The following RPS2 variants were observed in gnomAD, a reference collection of about 807,000 sequenced individuals.
RPS2 encodes ribosomal protein S2.
A neutral mutation model predicts 25.3 loss-of-function variants in RPS2; 8 were observed. The observed-to-expected ratio is 0.32, with a 90% CI of 0.19 to 0.57. The LOEUF (loss-of-function observed/expected upper bound fraction) is 0.57. RPS2 is among the 20% of genes least tolerant of loss of function. The pLI, the probability that RPS2 is intolerant of heterozygous loss-of-function variation, is 0.90. For missense variants in RPS2, 229 were observed against 408.1 expected, an observed-to-expected ratio of 0.56 and a Z score of 3.78; for synonymous variants, 181 against 161.3, an observed-to-expected ratio of 1.12 and a Z score of -0.92.
Position 1,964,818 on chromosome 16 carries a change from G to C in RPS2, c.-15C>G, listed in dbSNP as rs761131248. 3.4e-5 allele frequency: 18 copies of C among 537,014 alleles called. No individual in the cohort carries two copies. Among genetic ancestry groups the C allele is most frequent in the Non-Finnish European group, 4.5e-5 (14 of 309,154 alleles). The allele number at this position is 537,014 out of a possible 1,614,324, so 33.3% of individuals were successfully genotyped here. On this transcript the variant is annotated 5_prime_UTR_variant, in exon 1 of 7. Transcript: ENST00000343262. ...CCAACAGGACTCACGTGTTTTGTCG[G>C]AAAAGAAGAACGAGACCTACTGGGA...
At chr16:1,962,684 G>T in intron 5 of RPS2, 28 bp from the exon 6 acceptor site, 1 of 1,585,832 alleles carries the variant, frequency 6.3e-7, no homozygotes, top group Non-Finnish European at 8.6e-7. Flanking sequence ...CAGGAGACGG[G>T]GGCCCGAGGG....
Position 1,964,436 on chromosome 16 carries a change from G to A in RPS2, c.177+13C>T. ...CGCCCAGGGGCCCGACCCCGAGCGT[G>A]GCTGATACCTACCTCCTTATCCTCG... On this transcript the variant is annotated intron_variant, in intron 2 of 6. Transcript: ENST00000343262. 4 of 1,610,076 alleles carry A rather than the reference G, an allele frequency of 2.5e-6. No individual in the cohort carries two copies. Among genetic ancestry groups the A allele is most frequent in the Non-Finnish European group, 3.4e-6 (4 of 1,179,804 alleles).
At position 1,962,548 on chromosome 16, in the gene RPS2, C is replaced by T. The variant is rs1398145021; in HGVS notation, c.658G>A (p.Asp220Asn). ...PKKLLMMAGIDDCYTSARGCT... is the reference protein window; with the variant it reads ...PKKLLMMAGINDCYTSARGCT... Reference sequence around the variant, plus strand: ...CCCCGGGCTGAGGTGTAGCAGTCATCGATACCAGCCATCATGAGCAGCTTC... The same window carrying T: ...CCCCGGGCTGAGGTGTAGCAGTCATTGATACCAGCCATCATGAGCAGCTTC... Residue 220 changes from aspartate to asparagine, a missense_variant, in exon 6 of 7, where the codon GAT (aspartate) becomes AAT (asparagine). Asp to Asn is a conservative substitution (Grantham distance 23). Around this residue, in one of 7 missense-constraint regions of RPS2, gnomAD observed 79 missense variants for 159.0 expected, o/e 0.50. Transcript: ENST00000343262. 7 of 1,611,596 alleles carry T rather than the reference C, an allele frequency of 4.3e-6. No individual in the cohort carries two copies. Among genetic ancestry groups the T allele is most frequent in the South Asian group, 2.2e-5 (2 of 90,996 alleles).
intron 3 of RPS2, chr16:1,963,643 A>AC (rs975117649): frequency 1.3e-4 from 44 of 338,016 alleles, no homozygotes; most frequent in Non-Finnish European, 2.3e-4. Flanking sequence ...GAAGTCATGA[A>AC]CCCCCTCACC....
At chr16:1,963,546 G>A (rs568929965) in intron 3 of RPS2, 2 of 364,006 alleles carry the variant, frequency 5.5e-6, no homozygotes, top group Non-Finnish European at 1.1e-5. Context: ...AACCTGGGAG[G>A]TGGAGGTTGC....
Position 1,962,669 on chromosome 16 carries a change from G to A in RPS2, c.550-13C>T. On this transcript the variant is annotated splice_polypyrimidine_tract_variant and intron_variant, in intron 5 of 6. Transcript: ENST00000343262. ...AGCGGCCTGTCACCTGGTGAGGGAA[G>A]GAGTCAGGAGACGGGGGCCCGAGGG... 1 of 1,591,222 alleles carries A rather than the reference G, an allele frequency of 6.3e-7. No individual in the cohort carries two copies.
At chr16:1,962,319 GT>G in intron 6 of RPS2, 49 bp from the exon 7 acceptor site, 1 of 1,560,708 alleles carries the variant, frequency 6.4e-7, no homozygotes, top group Non-Finnish European at 8.8e-7. Flanking sequence ...CTTGAGGCAA[GT>G]CCCCCAACCC....
In RPS2 at chr16:1,964,799, G is replaced by A. The variant is rs973295576; in HGVS notation, c.-4+8C>T. 30 of 543,908 alleles carry A rather than the reference G, an allele frequency of 5.5e-5. No individual in the cohort carries two copies. Among genetic ancestry groups the A allele is most frequent in the East Asian group, 2.6e-4 (8 of 30,770 alleles). The allele number at this position is 543,908 out of a possible 1,614,324, so 33.7% of individuals were successfully genotyped here. On this transcript the variant is annotated splice_region_variant and intron_variant, in intron 1 of 6. Transcript: ENST00000343262. ...CAGAGGCCCGCTGCAGCGACCAACA[G>A]GACTCACGTGTTTTGTCGGAAAAGA...
intron 2 of RPS2, 26 bp downstream of exon 2, chr16:1,964,423 C>A (rs403609): frequency 2.5e-6 from 4 of 1,612,084 alleles, no homozygotes; most frequent in South Asian, 1.1e-5. Context: ...CCCAGGGGCC[C>A]GACCCCGAGC....
Position 1,963,442 on chromosome 16 carries a change from C to G in RPS2, c.268-186G>C, listed in dbSNP as rs2005799. Among the ~76,000 whole-genome samples, 1,123 of 152,240 alleles carry G rather than the reference C, an allele frequency of 7.4e-3. 6 individuals are homozygous for G. Among genetic ancestry groups the G allele is most frequent in the African/African-American group, 0.026 (1,085 of 41,524 alleles). ...ACCAGCCTGGCCACATGGTGAAACCCCACCTCTATTAAAGACACAAAAAAT... is the reference window on the plus strand; with the variant it reads ...ACCAGCCTGGCCACATGGTGAAACCGCACCTCTATTAAAGACACAAAAAAT... On this transcript the variant is annotated intron_variant, in intron 3 of 6. Coordinates refer to ENST00000343262, the MANE Select transcript of RPS2 (RefSeq NM_002952.4).
chr16:1,963,224 G>A lies in RPS2; in HGVS notation c.300C>T (p.Ala100=), dbSNP rs1049905721. Residue 100 remains alanine, a synonymous_variant, in exon 4 of 7, where the codon GCC becomes GCT. Coordinates refer to ENST00000343262, the MANE Select transcript of RPS2 (RefSeq NM_002952.4). ...TCTTCAAAACCTCATCCTTGAGAGA[G>A]GCCCCCAGGAAGAAATCAATGATCT... ...ESEIIDFFLG[A]SLKDEVLKIM... 8 of 1,550,192 alleles carry A rather than the reference G, an allele frequency of 5.2e-6. No individual in the cohort carries two copies. The highest frequency in any genetic ancestry group is 3.8e-5 in the Admixed American group (2 of 52,904).
intron 3 of RPS2, chr16:1,963,956 T>G (rs1159503102): frequency 1.5e-5 from 6 of 408,220 alleles, no homozygotes; most frequent in Admixed American, 1.4e-4. Context: ...ACCCTTACAG[T>G]GTCCTCCCAC....
chr16:1,964,397 C>T, intron 2 of RPS2, 32 bp from the exon 3 acceptor site: 4 of 1,613,158 alleles, frequency 2.5e-6, no homozygotes, highest in Non-Finnish European at 2.5e-6. Context: ...GTGACCAGGA[C>T]CGCTCTCCGG....
chr16:1,962,853 G>C lies in RPS2; in HGVS notation c.432C>G (p.Ser144=), dbSNP rs746594185. ...CACGGATGGCGGTGGCCACCTCCTT[G>C]GAGCACTTAACACCCAGACCGACGT... ...NGHVGLGVKC[S]KEVATAIRGA... The change falls in exon 5 of 7, where the codon TCC becomes TCG. Residue 144 remains serine, a synonymous_variant. Transcript: ENST00000343262. The C allele has an allele frequency of 6.2e-7, 1 of 1,604,930 alleles. No individual in the cohort carries two copies. Among genetic ancestry groups the C allele is most frequent in the African/African-American group, 1.3e-5 (1 of 74,914 alleles).
chr16:1,964,379 A>C lies in RPS2; in HGVS notation c.178-14T>G. 1 of 1,613,384 alleles carries C rather than the reference A, an allele frequency of 6.2e-7. No homozygotes were observed. The highest frequency in any genetic ancestry group is 8.5e-7 in the Non-Finnish European group (1 of 1,179,968). Reference sequence around the variant, plus strand: ...GACGGGCATCCACTAAAGGGAGAAAAGGCGCCAGTGACCAGGACCGCTCTC... The same window carrying C: ...GACGGGCATCCACTAAAGGGAGAAACGGCGCCAGTGACCAGGACCGCTCTC... On this transcript the variant is annotated splice_polypyrimidine_tract_variant and intron_variant, in intron 2 of 6. Transcript: ENST00000343262.
Position 1,962,754 on chromosome 16 carries a change from G to A in RPS2, c.531C>T (p.Pro177=), listed in dbSNP as rs200947241. The change falls in exon 5 of 7, where the codon CCC becomes CCT. Residue 177 remains proline, a synonymous_variant. Coordinates refer to ENST00000343262, the MANE Select transcript of RPS2 (RefSeq NM_002952.4). Reference sequence around the variant, plus strand: ...AGCCTACCTTGCAAGGGACAGTGTGGGGCTTGCCGATCTTGTTCCCCCAGT... The same window carrying A: ...AGCCTACCTTGCAAGGGACAGTGTGAGGCTTGCCGATCTTGTTCCCCCAGT... The part of the protein sequence containing the change: ...RGYWGNKIGK[P]HTVPCKVTGR... 2 of 1,604,704 alleles carry A rather than the reference G, an allele frequency of 1.2e-6. No homozygotes were observed. The highest frequency in any genetic ancestry group is 4.5e-5 in the East Asian group (2 of 44,468).
rs754561938 is a variant in RPS2 at position 1,962,369 on chromosome 16, G to A, written c.710-99C>T. On this transcript the variant is annotated intron_variant, in intron 6 of 6. Coordinates refer to ENST00000343262, the MANE Select transcript of RPS2 (RefSeq NM_002952.4). ...CTCCTAGGAACAGAGAGGCCATTCT[G>A]GGCGGGTCTGTCGTGCATTAGGAGA... 40 of 1,376,722 alleles carry A rather than the reference G, an allele frequency of 2.9e-5. 1 individual carries two copies. The highest frequency in any genetic ancestry group is 3.8e-5 in the Non-Finnish European group (37 of 964,060). The allele number at this position is 1,376,722 out of a possible 1,614,324, so 85.3% of individuals were successfully genotyped here.
At chr16:1,962,709 C>T (rs768263664) in intron 5 of RPS2, 27 bp downstream of exon 5, 3 of 1,589,458 alleles carry the variant, frequency 1.9e-6, no homozygotes, top group African/African-American at 1.3e-5. Flanking sequence ...TGCCCCACGG[C>T]AGGCCCATCA....
intron 3 of RPS2, chr16:1,963,728 C>A: frequency 2.2e-6 from 1 of 444,874 alleles, no homozygotes; most frequent in Non-Finnish European, 4.5e-6. Flanking sequence ...TTCTGCATCT[C>A]AATCGTTTCT....
Sources: gnomAD v4.1 joint callset for allele counts (sites outside exome capture counted in the v4.1 genomes callset) on GRCh38, gnomAD v4.1.1 for gene constraint, gnomAD v4.1.1 regional missense constraint, MANE v1.5 for transcripts, NCBI Gene and HGNC (gene_info 2026-07-23, HGNC 2026-07-21) for gene names.